STK3: variants seen among roughly 807,000 people sequenced by gnomAD.
STK3 encodes serine/threonine-protein kinase 3.
A neutral mutation model predicts 58.0 loss-of-function variants in STK3; 41 were observed. The observed-to-expected ratio is 0.71, with a 90% CI of 0.55 to 0.92. The LOEUF (loss-of-function observed/expected upper bound fraction) is 0.92. Ranked by LOEUF, STK3 falls within the 40% of genes least tolerant of loss-of-function variation. The pLI is 0.00. For synonymous variants in STK3, 170 were observed against 191.0 expected, an observed-to-expected ratio of 0.89 and a Z score of 0.91; for missense variants, 479 against 602.7, an observed-to-expected ratio of 0.79 and a Z score of 2.15.
rs1388353360 is a variant in STK3, at chr8:98,893,417, GGAAGGAAAGAAAGAAAGAAA to G, written c.-78-9603_-78-9584del. Among the ~76,000 whole-genome samples the G allele has an allele frequency of 4.3e-3, 363 of 84,038 alleles. 3 individuals are homozygous for G. Among genetic ancestry groups the G allele is most frequent in the East Asian group, 0.014 (40 of 2,910 alleles). The allele number at this position is 84,038 out of a possible 152,430, so 55.1% of individuals were successfully genotyped here. Reference sequence around the variant, plus strand: ...GAGAAAGAAAGAAAGAAGGAAGGAAGGAAGGAAAGAAAGAAAGAAAGAAAGAAAGAAAGAAAGAAAGAAAG... The same window carrying G: ...GAGAAAGAAAGAAAGAAGGAAGGAAGGAAAGAAAGAAAGAAAGAAAGAAAG... On this transcript the variant is annotated intron_variant, in intron 1 of 1. Transcript: ENST00000519420.
intron 3 of STK3, among the ~76,000 whole-genome samples, chr8:98,842,542 G>C (rs1836035265): frequency 6.6e-6 from 1 of 151,932 alleles, no homozygotes; most frequent in African/African-American, 2.4e-5. Context: ...GCTGGGCGTG[G>C]TGGCATGCGC....
At chr8:98,402,028 C>T (rs1426541746) in intron 3 of STK3, among the ~76,000 whole-genome samples, 2 of 152,166 alleles carry the variant, frequency 1.3e-5, no homozygotes, top group Admixed American at 6.5e-5. Flanking sequence ...GGTAAACATC[C>T]TATCTATATA....
At chr8:98,661,195 T>C (rs1318432027) in intron 6 of STK3, among the ~76,000 whole-genome samples, 1 of 151,426 alleles carries the variant, frequency 6.6e-6, no homozygotes, top group Non-Finnish European at 1.5e-5. Flanking sequence ...TTTTAAGAAG[T>C]ACGTTTTATA....
chr8:98,427,985 C>A (rs763172699), intron 3 of STK3: 2 of 1,535,752 alleles, frequency 1.3e-6, no homozygotes, highest in Admixed American at 4.0e-5. Context: ...CCAGCATGAC[C>A]GGCCAGAGCC....
At chr8:98,881,035 C>G (rs1459230317), downstream of STK3, 1 of 152,168 alleles carries the variant, frequency 6.6e-6, no homozygotes, top group African/African-American at 2.4e-5. Flanking sequence ...TAATAAATAA[C>G]ATATTTATGC....
chr8:98,652,080 G>A (rs967855610), intron 6 of STK3, among the ~76,000 whole-genome samples: 2 of 152,192 alleles, frequency 1.3e-5, no homozygotes, highest in Non-Finnish European at 2.9e-5. Context: ...GGCAGCCAGA[G>A]AGAAAGGTCA....
chr8:98,681,400 C>T (rs1297059741), intron 6 of STK3, among the ~76,000 whole-genome samples: 2 of 151,958 alleles, frequency 1.3e-5, no homozygotes, highest in Non-Finnish European at 2.9e-5. Context: ...AGGCAAGTAT[C>T]ATGAAGGACC....
intron 8 of STK3, among the ~76,000 whole-genome samples, chr8:98,572,364 AT>A (rs1420797392): frequency 1.3e-5 from 2 of 152,158 alleles, no homozygotes; most frequent in African/African-American, 4.8e-5. Context: ...ATGAATGTAA[AT>A]TTTATAAAAA....
intron 7 of STK3, among the ~76,000 whole-genome samples, chr8:98,591,472 T>A (rs1311420574): frequency 6.6e-6 from 1 of 152,230 alleles, no homozygotes; most frequent in Admixed American, 6.5e-5. Flanking sequence ...CCATTGTAAG[T>A]TAAGGAGCAC....
intron 3 of STK3, among the ~76,000 whole-genome samples, chr8:98,760,072 T>C (rs756346632): frequency 2.0e-5 from 3 of 152,060 alleles, no homozygotes; most frequent in Non-Finnish European, 4.4e-5. Flanking sequence ...ATTTCCAACA[T>C]GCAGTTAGCT....
intron 4 of STK3, among the ~76,000 whole-genome samples, chr8:98,715,695 T>C (rs1323105225): frequency 6.6e-6 from 1 of 152,196 alleles, no homozygotes; most frequent in East Asian, 1.9e-4. Context: ...GACTGTAAAC[T>C]AGTTCAACCA....
At chr8:98,525,652 A>T (rs1825690119) in intron 10 of STK3, among the ~76,000 whole-genome samples, 1 of 152,152 alleles carries the variant, frequency 6.6e-6, no homozygotes, top group Non-Finnish European at 1.5e-5. Context: ...AAAAAATATT[A>T]AGTAGACATT....
chr8:98,347,930 G>C, the STK3 span, among the ~76,000 whole-genome samples: 1 of 152,152 alleles, frequency 6.6e-6, no homozygotes, highest in African/African-American at 2.4e-5. Context: ...AGTTTATATG[G>C]AGAGGCAAAA....
chr8:98,849,662 C>T (rs1836363845), intron 3 of STK3, among the ~76,000 whole-genome samples: 1 of 152,130 alleles, frequency 6.6e-6, no homozygotes, highest in African/African-American at 2.4e-5. Context: ...GCTTAATTCT[C>T]AGGTGAGCTT....
At chr8:98,715,093 A>C (rs1257858108) in intron 4 of STK3, among the ~76,000 whole-genome samples, 1 of 151,802 alleles carries the variant, frequency 6.6e-6, no homozygotes, top group Non-Finnish European at 1.5e-5. Flanking sequence ...AGAAAGCTGA[A>C]ACTGGATCCC....
intron 6 of STK3, among the ~76,000 whole-genome samples, chr8:98,659,239 AT>A (rs1021315926): frequency 6.6e-6 from 1 of 152,102 alleles, no homozygotes; most frequent in African/African-American, 2.4e-5. Context: ...TATATCACTT[AT>A]TTAACAAATG....
intron 6 of STK3, among the ~76,000 whole-genome samples, chr8:98,692,939 T>C (rs868476367): frequency 1.2e-4 from 18 of 152,198 alleles, no homozygotes; most frequent in Middle Eastern, 3.4e-3. Context: ...AACCTCTAAA[T>C]GTTACACAAT....
At chr8:98,825,813 C>G (rs1835251548), upstream of STK3, 1 of 71,248 alleles carries the variant, frequency 1.4e-5, no homozygotes, top group East Asian at 4.2e-4. Flanking sequence ...GCCCCGCCCC[C>G]GGCCGCCCCG....
chr8:98,615,021 C>T (rs920135913), intron 6 of STK3, among the ~76,000 whole-genome samples: 8 of 152,096 alleles, frequency 5.3e-5, no homozygotes, highest in African/African-American at 1.9e-4. Flanking sequence ...CACAGACAAA[C>T]AAAAAGACAG....
Sources: allele counts gnomAD v4.1 joint callset (sites outside exome capture counted in the v4.1 genomes callset), GRCh38; gene constraint gnomAD v4.1.1; transcripts MANE v1.5; gene names NCBI Gene and HGNC (gene_info 2026-07-23, HGNC 2026-07-21).